The following MYO5B variants were observed in gnomAD, a reference collection of about 807,000 sequenced individuals.
MYO5B encodes unconventional myosin-Vb.
A neutral mutation model predicts 229.3 loss-of-function variants in MYO5B; 143 were observed. The observed-to-expected ratio is 0.62, with a 90% CI of 0.54 to 0.72. The LOEUF is 0.72. Ranked by LOEUF, MYO5B falls within the 30% of genes least tolerant of loss-of-function variation. MYO5B has a pLI of 0.00. For missense variants in MYO5B, 2,321 were observed against 2,331.0 expected, an observed-to-expected ratio of 1.00 and a Z score of 0.09; for synonymous variants, 918 against 885.2, an observed-to-expected ratio of 1.04 and a Z score of -0.66.
intron 2 of MYO5B, among the ~76,000 whole-genome samples, chr18:50,052,486 A>T (rs1032541187): frequency 6.8e-6 from 1 of 146,714 alleles, no homozygotes; most frequent in African/African-American, 2.5e-5. Flanking sequence ...GTTCTCACTC[A>T]TAGATAGGAA....
At chr18:50,054,379 A>T (rs1234249083) in intron 2 of MYO5B, among the ~76,000 whole-genome samples, 1 of 152,108 alleles carries the variant, frequency 6.6e-6, no homozygotes, top group Non-Finnish European at 1.5e-5. Context: ...CCTATACCTC[A>T]TGCACTCACT....
At chr18:49,980,744 C>T (rs2025805543) in intron 8 of MYO5B, among the ~76,000 whole-genome samples, 191 bp from the exon 9 acceptor site, 1 of 152,086 alleles carries the variant, frequency 6.6e-6, no homozygotes, top group African/African-American at 2.4e-5. Flanking sequence ...GGCAAAGGGG[C>T]TCCTTGGACT....
chr18:50,003,418 G>A (rs758137695), intron 4 of MYO5B, among the ~76,000 whole-genome samples: 4 of 152,174 alleles, frequency 2.6e-5, no homozygotes, highest in Non-Finnish European at 5.9e-5. Context: ...CTCTCTCCTT[G>A]CTGCTGTGAA....
chr18:50,105,303 G>A (rs1270146407), intron 1 of MYO5B, among the ~76,000 whole-genome samples: 1 of 152,124 alleles, frequency 6.6e-6, no homozygotes, highest in African/African-American at 2.4e-5. Flanking sequence ...TGGACAGGCA[G>A]GATGACAGGA....
intron 10 of MYO5B, among the ~76,000 whole-genome samples, chr18:49,965,082 G>A (rs759666545): frequency 2.3e-4 from 35 of 152,214 alleles, no homozygotes; most frequent in Admixed American, 3.9e-4. Flanking sequence ...CTGGAGGCAC[G>A]AAGGTGAGCA....
At chr18:49,943,051 T>C (rs1348726349) in intron 14 of MYO5B, among the ~76,000 whole-genome samples, 1 of 151,808 alleles carries the variant, frequency 6.6e-6, no homozygotes, top group Non-Finnish European at 1.5e-5. Context: ...AAATGATGAG[T>C]TCATGTCCTT....
At chr18:49,894,709 C>A (rs1399004954) in intron 22 of MYO5B, among the ~76,000 whole-genome samples, 1 of 152,200 alleles carries the variant, frequency 6.6e-6, no homozygotes, top group African/African-American at 2.4e-5. Context: ...ACCATGTGCC[C>A]CTCCCAGGGG....
rs1197970280 is a variant in MYO5B, at chr18:49,902,773, T to C, written c.2632A>G (p.Arg878Gly). 1.5e-5 allele frequency: 24 copies of C among 1,604,924 alleles called. No homozygotes were observed. Among genetic ancestry groups the C allele is most frequent in the Non-Finnish European group, 2.0e-5 (24 of 1,179,982 alleles). ...GCATCCCGCAGCCGCTGGAAGTGCCTGCGTGCCATCCAGCCCCGCACGTGC... is the reference window on the plus strand; with the variant it reads ...GCATCCCGCAGCCGCTGGAAGTGCCCGCGTGCCATCCAGCCCCGCACGTGC... ...QKHVRGWMAR[R>G]HFQRLRDAAI... Residue 878 changes from arginine (R) to glycine (G), a missense_variant, in exon 21 of 40, where the codon AGG becomes GGG. By Grantham distance (125) the Arg-to-Gly change is moderately radical. Coordinates refer to ENST00000285039, the MANE Select transcript of MYO5B (RefSeq NM_001080467.3).
At chr18:50,023,136 CAAA>C (rs55848235) in intron 4 of MYO5B, among the ~76,000 whole-genome samples, 2 of 144,618 alleles carry the variant, frequency 1.4e-5, no homozygotes, top group Non-Finnish European at 3.0e-5. Flanking sequence ...CAATGTCTTA[CAAA>C]AAAAAAAAAA....
chr18:50,001,440 T>G, intron 4 of MYO5B, 29 bp from the exon 5 acceptor site: 1 of 1,613,710 alleles, frequency 6.2e-7, no homozygotes, highest in Non-Finnish European at 8.5e-7. Flanking sequence ...TGATAAGTCA[T>G]TGGCCATGGA....
In MYO5B at chr18:50,085,289, A is replaced by G. The variant is rs544309922; in HGVS notation, c.28-29911T>C. The stretch of plus-strand genomic sequence containing the variant: ...AGACACTTCTCAAAAGAAGACATTT[A>G]TGCAGCCAAAAAACACATGAAAAAA... On this transcript the variant is annotated intron_variant, in intron 1 of 39. Coordinates refer to ENST00000285039, the MANE Select transcript of MYO5B (RefSeq NM_001080467.3). Among the ~76,000 whole-genome samples, 60 of 152,364 alleles carry G rather than the reference A, an allele frequency of 3.9e-4. 2 individuals are homozygous for G. The East Asian group carries it at 0.011, about 28-fold the overall frequency.
At chr18:50,193,840 G>T (rs1482099527) in intron 1 of MYO5B, among the ~76,000 whole-genome samples, 1 of 152,216 alleles carries the variant, frequency 6.6e-6, no homozygotes, top group Non-Finnish European at 1.5e-5. Flanking sequence ...GAGGGGTCCC[G>T]GGCGGCTGCA....
chr18:50,007,701 T>C (rs767637853), intron 4 of MYO5B, among the ~76,000 whole-genome samples: 16 of 152,176 alleles, frequency 1.1e-4, no homozygotes, highest in Non-Finnish European at 2.1e-4. Context: ...AAACTGATAA[T>C]CCCCTTTGAT....
In MYO5B at chr18:50,055,251, C is replaced by CCCCCCCCCCCCCA; in HGVS notation, c.138+16_138+17insTGGGGGGGGGGGG. On this transcript the variant is annotated intron_variant, in intron 2 of 39. Transcript: ENST00000285039. The stretch of plus-strand genomic sequence containing the variant: ...CCCCACCTCACCCCCGCCCCCCTGC[C>CCCCCCCCCCCCCA]CCGGACTCACTCTTACCGTTTCATC... 4 of 1,395,454 alleles carry CCCCCCCCCCCCCA rather than the reference C, an allele frequency of 2.9e-6. No individual in the cohort carries two copies. Among genetic ancestry groups the CCCCCCCCCCCCCA allele is most frequent in the South Asian group, 1.2e-5 (1 of 86,346 alleles). The allele number at this position is 1,395,454 out of a possible 1,614,324, so 86.4% of individuals were successfully genotyped here. A position where few individuals can be genotyped will look rare whatever the true frequency, so the allele number is the denominator to read the frequency against.
intron 1 of MYO5B, among the ~76,000 whole-genome samples, chr18:50,116,223 G>A (rs1370549343): frequency 3.3e-5 from 5 of 152,096 alleles, no homozygotes; most frequent in Non-Finnish European, 7.4e-5. Context: ...ATCCCCCTAC[G>A]TGTGGCGATC....
intron 1 of MYO5B, among the ~76,000 whole-genome samples, chr18:50,071,206 C>T (rs1022806766): frequency 3.0e-4 from 45 of 152,182 alleles, no homozygotes; most frequent in African/African-American, 1.1e-3. Flanking sequence ...TATCTTCCTC[C>T]CTTCCTCCAC....
In MYO5B at chr18:50,091,359, GTC is replaced by G. The variant is rs1375167656; in HGVS notation, c.28-35983_28-35982del. On this transcript the variant is annotated intron_variant, in intron 1 of 39. Coordinates refer to ENST00000285039, the MANE Select transcript of MYO5B (RefSeq NM_001080467.3). ...AGTTCTTTGGCACTGTATCTGCAAA[GTC>G]TCTGAGAGCATTTATAAATTTTACT... Among the ~76,000 whole-genome samples, 8 of 152,296 alleles carry G rather than the reference GTC, an allele frequency of 5.3e-5. No individual in the cohort carries two copies. In the East Asian group the frequency reaches 1.2e-3, roughly 22 times the overall value.
chr18:49,964,371 T>C (rs1598916196), intron 10 of MYO5B, among the ~76,000 whole-genome samples: 1 of 152,354 alleles, frequency 6.6e-6, no homozygotes, highest in East Asian at 1.9e-4. Flanking sequence ...TAAATTTTTT[T>C]TTCTCAACTT....
chr18:50,084,094 A>T (rs1178382226), intron 1 of MYO5B, among the ~76,000 whole-genome samples: 1 of 152,196 alleles, frequency 6.6e-6, no homozygotes, highest in Non-Finnish European at 1.5e-5. Context: ...CGTTTTCAGA[A>T]CAATATCTGG....
Sources: gnomAD v4.1 joint callset for allele counts (sites outside exome capture counted in the v4.1 genomes callset) on GRCh38, gnomAD v4.1.1 for gene constraint, MANE v1.5 for transcripts, NCBI Gene and HGNC (gene_info 2026-07-23, HGNC 2026-07-21) for gene names.